Variants in FRMPD1 observed in about 807,000 individuals in gnomAD.
FRMPD1 encodes the protein FERM and PDZ domain-containing protein 1.
In FRMPD1, 76 loss-of-function variants were observed where a neutral mutation model predicts 117.8. The observed-to-expected ratio is 0.65, with a 90% CI of 0.54 to 0.78. The LOEUF (loss-of-function observed/expected upper bound fraction) is 0.78. FRMPD1 is among the 30% of genes least tolerant of loss of function. The pLI is 0.00. For missense variants in FRMPD1, 1,786 were observed against 1,964.5 expected (o/e 0.91, Z 1.72); for synonymous variants, 783 against 770.4 (o/e 1.02, Z -0.27).
At chr9:37,707,616 A>AG in intron 3 of FRMPD1, 43 bp downstream of exon 3, 1 of 1,518,782 alleles carries the variant, frequency 6.6e-7, no homozygotes, top group Non-Finnish European at 9.1e-7. Flanking sequence ...TGGTTTCTTA[A>AG]GGGGAAATAG....
intron 12 of FRMPD1, 117 bp from the exon 13 acceptor site, chr9:37,735,434 TG>T: frequency 2.8e-6 from 2 of 727,224 alleles, no homozygotes; most frequent in Non-Finnish European, 2.4e-6. Context: ...GGAGGAGTGG[TG>T]GTTAGGATCC....
the FRMPD1 span, among the ~76,000 whole-genome samples, chr9:37,625,243 C>T: frequency 6.6e-6 from 1 of 152,052 alleles, no homozygotes; most frequent in Non-Finnish European, 1.5e-5. Flanking sequence ...AGCTAAATCC[C>T]ATGTGTGAAA....
At chr9:37,703,102 TA>T (rs879602121) in intron 2 of FRMPD1, among the ~76,000 whole-genome samples, 2 of 152,194 alleles carry the variant, frequency 1.3e-5, no homozygotes, top group African/African-American at 2.4e-5. Context: ...AATAATATGA[TA>T]TTTTTTCCTT....
At chr9:37,609,905 C>T in the FRMPD1 span, among the ~76,000 whole-genome samples, 4 of 152,294 alleles carry the variant, frequency 2.6e-5, no homozygotes, top group East Asian at 7.7e-4. Flanking sequence ...TTCCCTCTGC[C>T]TGGACTGCTT....
At chr9:37,684,838 C>CA (rs1821864653) in intron 1 of FRMPD1, among the ~76,000 whole-genome samples, 1 of 152,202 alleles carries the variant, frequency 6.6e-6, no homozygotes, top group Admixed American at 6.5e-5. Flanking sequence ...ACTGCAGCCT[C>CA]AACCTCCTGG....
Position 37,737,093 on chromosome 9 carries a change from A to C in FRMPD1, c.1402-3A>C. 1 of 1,610,384 alleles carries C rather than the reference A, an allele frequency of 6.2e-7. No individual in the cohort carries two copies. Among genetic ancestry groups the C allele is most frequent in the Non-Finnish European group, 8.5e-7 (1 of 1,177,020 alleles). On this transcript the variant is annotated splice_polypyrimidine_tract_variant and splice_region_variant and intron_variant, in intron 13 of 15. Coordinates refer to ENST00000377765, the MANE Select transcript of FRMPD1 (RefSeq NM_014907.3). Reference sequence around the variant, plus strand: ...AACATGAGATTTCTATTTGCTTTCAAAGGTTCTGACTTTGCTGCTGGAATC... The same window carrying C: ...AACATGAGATTTCTATTTGCTTTCACAGGTTCTGACTTTGCTGCTGGAATC...
rs202060469 is a variant in FRMPD1, at chr9:37,732,349, T to C, written c.904T>C (p.Cys302Arg). 6.3e-5 allele frequency: 101 copies of C among 1,613,914 alleles called. No homozygotes were observed. In the East Asian group the frequency reaches 1.8e-3, roughly 29 times the overall value. The change falls in exon 10 of 16, where the codon TGT (cysteine) becomes CGT (arginine). Residue 302 changes from cysteine (C) to arginine (R), a missense_variant. By Grantham distance (180) the Cys-to-Arg change is radical. Transcript: ENST00000377765. ...LQERFAVEMK[C>R]SSALRLAALH... ...GGAGCGCTTTGCTGTAGAAATGAAA[T>C]GTAGCTCTGCACTCCGACTCGCGGC...
At chr9:37,741,731 C>T (rs1190012226) in intron 15 of FRMPD1, among the ~76,000 whole-genome samples, 10 of 152,228 alleles carry the variant, frequency 6.6e-5, no homozygotes, top group African/African-American at 9.6e-5. Flanking sequence ...CTCTCTCCCT[C>T]CTCCTGCATT....
At chr9:37,712,671 A>T (rs1822954125) in intron 5 of FRMPD1, among the ~76,000 whole-genome samples, 1 of 152,224 alleles carries the variant, frequency 6.6e-6, no homozygotes, top group Non-Finnish European at 1.5e-5. Flanking sequence ...TGTACTTCTT[A>T]AAAGTAATTA....
intron 1 of FRMPD1, among the ~76,000 whole-genome samples, chr9:37,653,786 C>T (rs1300972531): frequency 6.6e-6 from 1 of 152,026 alleles, no homozygotes; most frequent in African/African-American, 2.4e-5. Context: ...GAGACCCCAT[C>T]TCTACAAAAA....
At chr9:37,641,984 G>C in the FRMPD1 span, among the ~76,000 whole-genome samples, 4 of 152,100 alleles carry the variant, frequency 2.6e-5, no homozygotes, top group African/African-American at 4.8e-5. Context: ...CCCAGAGCAG[G>C]CTTGACCAAA....
At chr9:37,690,569 C>T (rs1822096275) in intron 1 of FRMPD1, among the ~76,000 whole-genome samples, 1 of 152,164 alleles carries the variant, frequency 6.6e-6, no homozygotes, top group South Asian at 2.1e-4. Flanking sequence ...TTGATTAATA[C>T]ATTTCAATGC....
At chr9:37,687,985 T>C (rs1400115015) in intron 1 of FRMPD1, among the ~76,000 whole-genome samples, 1 of 152,078 alleles carries the variant, frequency 6.6e-6, no homozygotes, top group African/African-American at 2.4e-5. Flanking sequence ...ATACATGATA[T>C]AGGTCTCTAT....
At chr9:37,605,682 TTTTATTTATTTATTTATTTA>T in the FRMPD1 span, among the ~76,000 whole-genome samples, 12 of 143,742 alleles carry the variant, frequency 8.3e-5, no homozygotes, top group South Asian at 1.6e-3. Flanking sequence ...TCTGGTAGAA[TTTTATTTATTTATTTATTTA>T]TTTATTTATT....
chr9:37,731,989 AAAT>A (rs369470277), intron 9 of FRMPD1, among the ~76,000 whole-genome samples: 8 of 152,220 alleles, frequency 5.3e-5, no homozygotes, highest in Non-Finnish European at 7.3e-5. Flanking sequence ...TGGTGGCAGA[AAAT>A]AATAATAATA....
intron 15 of FRMPD1, 101 bp from the exon 16 acceptor site, chr9:37,744,288 A>T: frequency 1.3e-6 from 1 of 799,486 alleles, no homozygotes; most frequent in Non-Finnish European, 2.0e-6. Flanking sequence ...TACACAGCCT[A>T]GCCAGAATTT....
At position 37,744,908 on chromosome 9, in the gene FRMPD1, T is replaced by C. The variant is rs1563966014; in HGVS notation, c.2876T>C (p.Val959Ala). 6.2e-7 allele frequency: 1 copy of C among 1,614,210 alleles called. No homozygotes were observed. Residue 959 changes from valine (V) to alanine (A), a missense_variant, in exon 16 of 16, where the codon GTC (valine) becomes GCC (alanine). Transcript: ENST00000377765. The part of the protein sequence containing the change: ...DPNNKENSGV[V>A]PAASSSASTP... ...AACAATAAAGAGAATTCTGGTGTTGTCCCTGCTGCCAGCTCCTCAGCAAGC... is the reference window on the plus strand; with the variant it reads ...AACAATAAAGAGAATTCTGGTGTTGCCCCTGCTGCCAGCTCCTCAGCAAGC...
chr9:37,626,067 C>T, the FRMPD1 span, among the ~76,000 whole-genome samples: 1 of 152,076 alleles, frequency 6.6e-6, no homozygotes, highest in Non-Finnish European at 1.5e-5. Context: ...TGGCTCATGC[C>T]TGTAATCTCA....
At chr9:37,629,186 G>A in the FRMPD1 span, among the ~76,000 whole-genome samples, 3 of 149,446 alleles carry the variant, frequency 2.0e-5, no homozygotes, top group East Asian at 1.9e-4. Flanking sequence ...GTGATAGAGC[G>A]AGACTCCATC....
Sources: allele counts gnomAD v4.1 joint callset (sites outside exome capture counted in the v4.1 genomes callset), GRCh38; gene constraint gnomAD v4.1.1; transcripts MANE v1.5; gene names NCBI Gene and HGNC (gene_info 2026-07-23, HGNC 2026-07-21).